CPNE4: variants seen among roughly 807,000 people sequenced by gnomAD.
The protein encoded by CPNE4 is copine 4, also known as copine-4.
Under a neutral mutation model 67.9 loss-of-function variants are expected in CPNE4, and 25 were observed. The ratio of observed to expected loss-of-function variants is 0.37; its 90% CI spans 0.27 to 0.51. CPNE4 has a LOEUF of 0.51. Among genes scored for constraint, CPNE4 ranks in the 20% least tolerant of loss-of-function variants. CPNE4 has a pLI of 0.93. For synonymous variants in CPNE4, 242 were observed against 244.9 expected (o/e 0.99, Z 0.11); for missense variants, 464 against 690.8 (o/e 0.67, Z 3.68).
chr3:131,882,959 C>T (rs372264181), intron 2 of CPNE4, among the ~76,000 whole-genome samples: 6 of 152,004 alleles, frequency 3.9e-5, no homozygotes, highest in African/African-American at 7.2e-5. Flanking sequence ...CCTCATGATC[C>T]GTCTGACTCG....
At chr3:131,737,068 C>T (rs553693071) in intron 2 of CPNE4, among the ~76,000 whole-genome samples, 1 of 150,864 alleles carries the variant, frequency 6.6e-6, no homozygotes, top group Non-Finnish European at 1.5e-5. Context: ...TTTCTGCTTC[C>T]CCTGTCTTTA....
intron 7 of CPNE4, among the ~76,000 whole-genome samples, chr3:131,635,918 A>G (rs2079369419): frequency 1.1e-5 from 1 of 87,250 alleles, no homozygotes; most frequent in Non-Finnish European, 1.9e-5. Flanking sequence ...CGTCTCTACT[A>G]AAAATACAAA....
chr3:131,702,201 T>A (rs2081317745), intron 3 of CPNE4, among the ~76,000 whole-genome samples: 1 of 152,162 alleles, frequency 6.6e-6, no homozygotes, highest in Non-Finnish European at 1.5e-5. Context: ...ATGTTTGTGA[T>A]GATGATGACA....
At chr3:131,767,536 G>A (rs2083052699) in intron 2 of CPNE4, among the ~76,000 whole-genome samples, 1 of 152,060 alleles carries the variant, frequency 6.6e-6, no homozygotes, top group South Asian at 2.1e-4. Flanking sequence ...CAGTTGAGAG[G>A]CTGGGGAAAT....
intron 2 of CPNE4, among the ~76,000 whole-genome samples, chr3:131,886,263 T>C (rs971719033): frequency 2.0e-5 from 3 of 152,164 alleles, no homozygotes; most frequent in African/African-American, 7.2e-5. Flanking sequence ...AGACAGTCTG[T>C]GGTGCAAGCC....
chr3:131,613,041 T>A (rs1175454812), intron 7 of CPNE4, among the ~76,000 whole-genome samples: 1 of 152,152 alleles, frequency 6.6e-6, no homozygotes, highest in East Asian at 1.9e-4. Flanking sequence ...TTCAGAGACA[T>A]TTGGTTTGAA....
rs540490766 is a variant in CPNE4, at chr3:131,806,363, AC to A, written c.181-82739del. 1.4e-4 allele frequency among the ~76,000 whole-genome samples: 22 copies of A among 152,212 alleles called. 2 individuals are homozygous for A. In the South Asian group the frequency reaches 4.4e-3, roughly 30 times the overall value. On this transcript the variant is annotated intron_variant, in intron 2 of 15. Transcript: ENST00000429747. ...CAGGAGATCGAGACCATCCTGGCTA[AC>A]ATGGTGAAACCCTGTCTCTACTAAA...
upstream of CPNE4, among the ~76,000 whole-genome samples, chr3:132,037,328 T>C (rs576356047): frequency 2.0e-5 from 3 of 152,330 alleles, no homozygotes; most frequent in South Asian, 6.2e-4. Flanking sequence ...TGGAATTTTT[T>C]TCTGAAGGCA....
At chr3:131,647,932 ACT>A (rs1490364659) in intron 7 of CPNE4, among the ~76,000 whole-genome samples, 1 of 152,036 alleles carries the variant, frequency 6.6e-6, no homozygotes, top group Non-Finnish European at 1.5e-5. Context: ...CCACAGTAGC[ACT>A]CTGTTTTTCT....
rs77178890 is a variant in CPNE4 at position 131,781,142 on chromosome 3, G to A, written c.181-57517C>T. On this transcript the variant is annotated intron_variant, in intron 2 of 15. Coordinates refer to ENST00000429747, the MANE Select transcript of CPNE4 (RefSeq NM_130808.3). Reference sequence around the variant, plus strand: ...TTCATTTCTGCCTGTCAGTAAACCCGGGTATGGATAAAATAAAATTGGGTC... The same window carrying A: ...TTCATTTCTGCCTGTCAGTAAACCCAGGTATGGATAAAATAAAATTGGGTC... Among the ~76,000 whole-genome samples the A allele has an allele frequency of 1.6e-4, 25 of 152,090 alleles. No individual in the cohort carries two copies. In the East Asian group the frequency reaches 3.7e-3, roughly 22 times the overall value.
chr3:131,610,824 A>G (rs1379628236), intron 7 of CPNE4, among the ~76,000 whole-genome samples: 1 of 152,174 alleles, frequency 6.6e-6, no homozygotes, highest in Non-Finnish European at 1.5e-5. Context: ...AAGACATGCC[A>G]TCTAAAACAA....
At chr3:131,585,077 C>T (rs1490268512) in intron 8 of CPNE4, among the ~76,000 whole-genome samples, 1 of 152,172 alleles carries the variant, frequency 6.6e-6, no homozygotes, top group Non-Finnish European at 1.5e-5. Context: ...ACTTCAAATG[C>T]GTTTCTCTCA....
At chr3:131,988,497 T>C (rs767176807) in intron 1 of CPNE4, among the ~76,000 whole-genome samples, 1 of 152,278 alleles carries the variant, frequency 6.6e-6, no homozygotes. Flanking sequence ...TGATATTAGC[T>C]TGGATGAGGG....
At chr3:131,576,431 T>TA (rs899205950) in intron 9 of CPNE4, among the ~76,000 whole-genome samples, 1 of 152,132 alleles carries the variant, frequency 6.6e-6, no homozygotes, top group African/African-American at 2.4e-5. Flanking sequence ...GTGTACACAG[T>TA]CACCTTAAGG....
intron 3 of CPNE4, among the ~76,000 whole-genome samples, chr3:131,720,164 G>A (rs551160201): frequency 5.9e-5 from 9 of 152,172 alleles, no homozygotes; most frequent in Admixed American, 2.0e-4. Context: ...TTTGACCACC[G>A]GCATCTGTAT....
intron 2 of CPNE4, among the ~76,000 whole-genome samples, chr3:131,872,740 G>A (rs544698943): frequency 1.1e-4 from 16 of 152,218 alleles, no homozygotes; most frequent in African/African-American, 3.1e-4. Context: ...AATTGACTTG[G>A]GAACCCAAAC....
At chr3:131,586,197 C>T (rs895796736) in intron 8 of CPNE4, among the ~76,000 whole-genome samples, 1 of 152,176 alleles carries the variant, frequency 6.6e-6, no homozygotes, top group Non-Finnish European at 1.5e-5. Context: ...AGCACTGAGC[C>T]CTCTGCTTTC....
At chr3:131,659,021 T>A (rs985907175) in intron 7 of CPNE4, among the ~76,000 whole-genome samples, 1 of 152,210 alleles carries the variant, frequency 6.6e-6, no homozygotes, top group Non-Finnish European at 1.5e-5. Context: ...AAGGCTAGGT[T>A]AAAAACAACA....
chr3:132,036,036 G>A (rs781614879), upstream of CPNE4, among the ~76,000 whole-genome samples: 1 of 152,170 alleles, frequency 6.6e-6, no homozygotes, highest in East Asian at 1.9e-4. Context: ...AATAGGGTAA[G>A]GAGGAAGACC....
Sources: allele counts gnomAD v4.1 joint callset (sites outside exome capture counted in the v4.1 genomes callset), GRCh38; gene constraint gnomAD v4.1.1; transcripts MANE v1.5; gene names NCBI Gene and HGNC (gene_info 2026-07-23, HGNC 2026-07-21).